Variants in CDH13 observed in about 807,000 individuals in gnomAD.
CDH13 encodes the protein cadherin-13.
CDH13 carries 24 observed loss-of-function variants against 63.8 expected under a neutral mutation model. The ratio of observed to expected loss-of-function variants is 0.38; its 90% CI spans 0.27 to 0.53. The LOEUF (loss-of-function observed/expected upper bound fraction) is 0.53. CDH13 is among the 20% of genes least tolerant of loss of function. The pLI, the probability that CDH13 is intolerant of heterozygous loss-of-function variation, is 0.85. For synonymous variants in CDH13, 503 were observed against 355.3 expected (o/e 1.42, Z -4.67); for missense variants, 1,049 against 903.1 (o/e 1.16, Z -2.07).
chr16:83,576,343 A>T (rs78309823), intron 7 of CDH13, among the ~76,000 whole-genome samples: 3,233 of 152,232 alleles, frequency 0.021, 86 homozygotes, highest in African/African-American at 0.073. Context: ...TCAGTATTTC[A>T]TCCCTTTTTA....
At chr16:83,171,332 T>C (rs374414814) in intron 4 of CDH13, among the ~76,000 whole-genome samples, 2 of 152,086 alleles carry the variant, frequency 1.3e-5, no homozygotes, top group East Asian at 3.9e-4. Flanking sequence ...GGGATGGTCC[T>C]AAACCATTCA....
intron 10 of CDH13, among the ~76,000 whole-genome samples, chr16:83,691,510 T>TA (rs912465936): frequency 1.3e-5 from 2 of 152,038 alleles, no homozygotes; most frequent in Non-Finnish European, 2.9e-5. Context: ...AGAATCCCCT[T>TA]ACAGCCTTGC....
At chr16:83,513,867 T>A (rs1277034859) in intron 7 of CDH13, among the ~76,000 whole-genome samples, 1 of 152,146 alleles carries the variant, frequency 6.6e-6, no homozygotes. Context: ...TGCCAGCCTC[T>A]CTAGTCCCCA....
At position 82,772,573 on chromosome 16, in the gene CDH13, T is replaced by G. The variant is rs991909095; in HGVS notation, c.46-85789T>G. Among the ~76,000 whole-genome samples, 3 of 152,220 alleles carry G rather than the reference T, an allele frequency of 2.0e-5. No homozygotes were observed. The East Asian group carries it at 5.8e-4, about 29-fold the overall frequency. Reference sequence around the variant, plus strand: ...ACGCAGAAAAAAACCTAGAAATAACTGAGATTAAAATAGCTAACTAAGCTA... The same window carrying G: ...ACGCAGAAAAAAACCTAGAAATAACGGAGATTAAAATAGCTAACTAAGCTA... On this transcript the variant is annotated intron_variant, in intron 1 of 13. Transcript: ENST00000567109.
chr16:82,852,060 C>T (rs1194068007), intron 1 of CDH13, among the ~76,000 whole-genome samples: 1 of 152,136 alleles, frequency 6.6e-6, no homozygotes, highest in Non-Finnish European at 1.5e-5. Flanking sequence ...TGGAAAATAC[C>T]TTCTTGGAGC....
chr16:82,678,126 C>A (rs576453035), intron 1 of CDH13, among the ~76,000 whole-genome samples: 1 of 152,068 alleles, frequency 6.6e-6, no homozygotes, highest in African/African-American at 2.4e-5. Flanking sequence ...GTATCTAGTA[C>A]GGGAAACTTT....
chr16:83,030,843 C>T (rs1380211646), intron 2 of CDH13, among the ~76,000 whole-genome samples: 1 of 151,774 alleles, frequency 6.6e-6, no homozygotes, highest in Non-Finnish European at 1.5e-5. Context: ...GCCTCATTTC[C>T]ACCCTTCCCT....
At chr16:82,795,766 T>G (rs1326774352) in intron 1 of CDH13, among the ~76,000 whole-genome samples, 1 of 151,980 alleles carries the variant, frequency 6.6e-6, no homozygotes, top group East Asian at 1.9e-4. Context: ...AAACAATGGC[T>G]GTAGTGGTGC....
intron 4 of CDH13, among the ~76,000 whole-genome samples, chr16:83,196,565 G>C (rs920805827): frequency 2.0e-5 from 3 of 152,158 alleles, no homozygotes; most frequent in Non-Finnish European, 4.4e-5. Flanking sequence ...CTAGGATATA[G>C]AAAGAACTCT....
chr16:82,642,972 T>C (rs1909603351), intron 1 of CDH13, among the ~76,000 whole-genome samples: 2 of 152,166 alleles, frequency 1.3e-5, no homozygotes, highest in African/African-American at 4.8e-5. Flanking sequence ...GTTGTATGAT[T>C]CTATGAAATG....
At chr16:83,064,139 G>A (rs949506475) in intron 3 of CDH13, among the ~76,000 whole-genome samples, 1 of 152,284 alleles carries the variant, frequency 6.6e-6, no homozygotes. Flanking sequence ...GGGAGGCCGA[G>A]GTGGGCAGAC....
chr16:83,376,546 GA>G (rs1489971241), intron 6 of CDH13, among the ~76,000 whole-genome samples: 1 of 152,264 alleles, frequency 6.6e-6, no homozygotes, highest in Non-Finnish European at 1.5e-5. Context: ...ATTTTCATTA[GA>G]AAAAAATTAT....
At chr16:83,748,052 A>G (rs1912752894) in intron 10 of CDH13, 56 bp from the exon 11 acceptor site, 2 of 1,600,228 alleles carry the variant, frequency 1.2e-6, no homozygotes, top group Admixed American at 1.7e-5. Flanking sequence ...CACTCTGTAA[A>G]TGTTTCTTGA....
intron 4 of CDH13, among the ~76,000 whole-genome samples, chr16:83,159,625 A>G (rs2037360322): frequency 6.6e-6 from 1 of 152,198 alleles, no homozygotes; most frequent in Non-Finnish European, 1.5e-5. Context: ...AAGAAACGAT[A>G]TTTCCATTGT....
chr16:83,491,922 G>C (rs1199614369), intron 7 of CDH13, among the ~76,000 whole-genome samples: 6 of 152,096 alleles, frequency 3.9e-5, no homozygotes, highest in Admixed American at 3.3e-4. Flanking sequence ...TCCATGGTAA[G>C]TGTTACATAA....
chr16:83,034,630 G>C (rs964265211), intron 3 of CDH13, among the ~76,000 whole-genome samples: 8 of 152,186 alleles, frequency 5.3e-5, no homozygotes, highest in African/African-American at 1.7e-4. Flanking sequence ...TTGCCCATGG[G>C]CTTGAATGCA....
chr16:83,413,977 G>C (rs751833434), intron 6 of CDH13, among the ~76,000 whole-genome samples: 4 of 151,330 alleles, frequency 2.6e-5, no homozygotes, highest in Middle Eastern at 3.4e-3. Context: ...CTGGGCAATA[G>C]AGCGAGACTC....
chr16:83,116,997 C>T (rs113723284), intron 3 of CDH13, among the ~76,000 whole-genome samples: 26 of 152,334 alleles, frequency 1.7e-4, no homozygotes, highest in African/African-American at 4.6e-4. Flanking sequence ...GGCAAATCAT[C>T]GTAGGACGAT....
intron 10 of CDH13, among the ~76,000 whole-genome samples, chr16:83,738,587 G>A (rs1457541377): frequency 6.6e-6 from 1 of 152,128 alleles, no homozygotes; most frequent in East Asian, 1.9e-4. Context: ...GCTTCCTTGG[G>A]GGTTTCAATA....
Sources: gnomAD v4.1 joint callset for allele counts (sites outside exome capture counted in the v4.1 genomes callset) on GRCh38, gnomAD v4.1.1 for gene constraint, MANE v1.5 for transcripts, NCBI Gene and HGNC (gene_info 2026-07-23, HGNC 2026-07-21) for gene names.